SLC35F5: variants seen among roughly 807,000 people sequenced by gnomAD.
The protein encoded by SLC35F5 is solute carrier family 35 member F5, also known as HCV NS5A-transactivated protein 3.
SLC35F5 carries 54 observed loss-of-function variants against 68.6 expected under a neutral mutation model. The ratio of observed to expected loss-of-function variants is 0.79; its 90% CI spans 0.63 to 0.99. The LOEUF is 0.99. Among genes scored for constraint, SLC35F5 ranks in the 50% least tolerant of loss-of-function variants. SLC35F5 has a pLI of 0.00. For missense variants in SLC35F5, 567 were observed against 626.9 expected (o/e 0.90, Z 1.02); for synonymous variants, 211 against 205.2 (o/e 1.03, Z -0.24).
chr2:113,716,921 A>G lies in SLC35F5; in HGVS notation c.*22+832T>C, dbSNP rs138385165. On this transcript the variant is annotated intron_variant, in intron 15 of 15. Coordinates refer to ENST00000245680, the MANE Select transcript of SLC35F5 (RefSeq NM_025181.5). ...GGAGGATAATGAAACTTAACCTTCA[A>G]GCCTAATATAAGTGTTAACAACTGA... Among the ~76,000 whole-genome samples, 489 of 152,348 alleles carry G rather than the reference A, an allele frequency of 3.2e-3. 8 individuals carry two copies. The highest frequency in any genetic ancestry group is 0.011 in the African/African-American group (470 of 41,584).
intron 1 of SLC35F5, chr2:113,755,785 G>C (rs973942769): frequency 2.8e-6 from 4 of 1,428,996 alleles, no homozygotes; most frequent in Non-Finnish European, 3.9e-6. Flanking sequence ...ACAACATACG[G>C]CACATTTAAG....
At position 113,753,168 on chromosome 2, in the gene SLC35F5, C is replaced by CTTTTTTTTTTTTT. The variant is rs1173478465; in HGVS notation, c.273+1984_273+1996dup. Among the ~76,000 whole-genome samples, 186 of 49,070 alleles carry CTTTTTTTTTTTTT rather than the reference C, an allele frequency of 3.8e-3. 62 individuals are homozygous for CTTTTTTTTTTTTT. The highest frequency in any genetic ancestry group is 0.034 in the Middle Eastern group (2 of 58). 32.2% of individuals were successfully genotyped at this position (49,070 alleles called of 152,430 possible). A position where few individuals can be genotyped will look rare whatever the true frequency, so the allele number is the denominator to read the frequency against. ...CACTTTATCTCCAAAGTTTGTTTTT[C>CTTTTTTTTTTTTT]TTTTTTTTTTTTTTTTTTTTTTTTT... On this transcript the variant is annotated intron_variant, in intron 3 of 15. Coordinates refer to ENST00000245680, the MANE Select transcript of SLC35F5 (RefSeq NM_025181.5).
rs1676485366 is a variant in SLC35F5, at chr2:113,746,393, G to A, written c.418-54C>T. The A allele has an allele frequency of 5.0e-6, 7 of 1,394,572 alleles. No individual in the cohort carries two copies. The South Asian group carries it at 8.1e-5, about 16-fold the overall frequency. 86.4% of individuals were successfully genotyped at this position (1,394,572 alleles called of 1,614,324 possible). The stretch of plus-strand genomic sequence containing the variant: ...CAATGAAACTTACATTATACTGTAG[G>A]ACTAGTCAGACGTAACTCAGATAAA... On this transcript the variant is annotated intron_variant, in intron 4 of 15. Coordinates refer to ENST00000245680, the MANE Select transcript of SLC35F5 (RefSeq NM_025181.5).
At chr2:113,745,400 T>C (rs79881443) in intron 5 of SLC35F5, among the ~76,000 whole-genome samples, 271 of 152,344 alleles carry the variant, frequency 1.8e-3, no homozygotes, top group African/African-American at 5.8e-3. Context: ...TGCTATTAAA[T>C]TTTAGAGTAA....
chr2:113,709,044 G>A lies in SLC35F5; in HGVS notation c.*6174C>T, dbSNP rs937149989. 2.0e-5 allele frequency among the ~76,000 whole-genome samples: 3 copies of A among 152,178 alleles called. No individual in the cohort carries two copies. Among genetic ancestry groups the A allele is most frequent in the African/African-American group, 7.2e-5 (3 of 41,444 alleles). On this transcript the variant is annotated 3_prime_UTR_variant, in exon 16 of 16. Coordinates refer to ENST00000245680, the MANE Select transcript of SLC35F5 (RefSeq NM_025181.5). ...AATCTGACTGAAAACCTTATTTAAG[G>A]AGTCAAGATGCTGAACACCCTAACA... is the stretch of plus-strand genomic sequence containing the variant.
chr2:113,746,454 A>C, intron 4 of SLC35F5, 115 bp from the exon 5 acceptor site: 1 of 717,264 alleles, frequency 1.4e-6, no homozygotes, highest in South Asian at 1.5e-5. Flanking sequence ...TGTAAGACTA[A>C]AACTGTTACT....
At chr2:113,717,967 C>A (rs755775319) in intron 14 of SLC35F5, 117 bp from the exon 15 acceptor site, 2 of 595,750 alleles carry the variant, frequency 3.4e-6, no homozygotes, top group East Asian at 2.9e-5. Context: ...GTGGCAGAAC[C>A]AACACTAGGA....
At chr2:113,738,402 C>T (rs1474938217) in intron 7 of SLC35F5, among the ~76,000 whole-genome samples, 2 of 152,028 alleles carry the variant, frequency 1.3e-5, no homozygotes, top group African/African-American at 4.8e-5. Context: ...TCAGGTTTGT[C>T]CATGTTGTTG....
intron 7 of SLC35F5, among the ~76,000 whole-genome samples, chr2:113,736,987 G>A (rs921348089): frequency 2.0e-5 from 3 of 152,008 alleles, no homozygotes; most frequent in Non-Finnish European, 4.4e-5. Context: ...CTTAATTCTA[G>A]TACACACCTG....
At chr2:113,751,748 TA>T (rs968206668) in intron 3 of SLC35F5, among the ~76,000 whole-genome samples, 3 of 151,922 alleles carry the variant, frequency 2.0e-5, no homozygotes, top group African/African-American at 7.3e-5. Context: ...AGTCAGAGGT[TA>T]TAGTGAGCCA....
chr2:113,753,737 A>T (rs1338348666), intron 3 of SLC35F5, among the ~76,000 whole-genome samples: 2 of 152,082 alleles, frequency 1.3e-5, no homozygotes, highest in Non-Finnish European at 1.5e-5. Context: ...TTTCCTTTCT[A>T]CTTTGCTTAG....
At chr2:113,741,630 G>A (rs1472189822) in intron 7 of SLC35F5, among the ~76,000 whole-genome samples, 5 of 151,598 alleles carry the variant, frequency 3.3e-5, no homozygotes, top group Admixed American at 6.6e-5. Context: ...GAACCCAGGA[G>A]GCAGAGGTTG....
chr2:113,740,216 G>C (rs1676204032), intron 7 of SLC35F5, among the ~76,000 whole-genome samples: 1 of 152,184 alleles, frequency 6.6e-6, no homozygotes, highest in Non-Finnish European at 1.5e-5. Flanking sequence ...GTGGGAGCTG[G>C]CTGTGGAACG....
At chr2:113,720,968 T>C (rs1687407496) in intron 13 of SLC35F5, among the ~76,000 whole-genome samples, 1 of 152,042 alleles carries the variant, frequency 6.6e-6, no homozygotes, top group South Asian at 2.1e-4. Context: ...ACAAAGAAAA[T>C]TACCTATGTA....
chr2:113,755,905 C>T, intron 1 of SLC35F5: 1 of 1,550,612 alleles, frequency 6.4e-7, no homozygotes, highest in Non-Finnish European at 8.7e-7. Context: ...GACACTGTTT[C>T]TAAAAGTGTC....
chr2:113,752,792 G>T (rs1222315764), intron 3 of SLC35F5, among the ~76,000 whole-genome samples: 1 of 152,200 alleles, frequency 6.6e-6, no homozygotes, highest in East Asian at 1.9e-4. Context: ...GAGAAAACTG[G>T]ACTGGAGAAA....
chr2:113,720,981 C>CA (rs551487160), intron 13 of SLC35F5, among the ~76,000 whole-genome samples: 3 of 151,972 alleles, frequency 2.0e-5, no homozygotes, highest in South Asian at 4.2e-4. Flanking sequence ...CCTATGTAAA[C>CA]AAAATTTTTT....
chr2:113,731,660 A>T lies in SLC35F5; in HGVS notation c.921-12T>A. 1 of 1,607,034 alleles carries T rather than the reference A, an allele frequency of 6.2e-7. No homozygotes were observed. The highest frequency in any genetic ancestry group is 8.5e-7 in the Non-Finnish European group (1 of 1,173,874). ...CAACGCCTCCAATGCTATGAGAATA[A>T]CAGTCATTAATGATGAGCTAAAGAA... is the stretch of plus-strand genomic sequence containing the variant. On this transcript the variant is annotated splice_polypyrimidine_tract_variant and intron_variant, in intron 9 of 15. Transcript: ENST00000245680.
chr2:113,713,392 C>G lies in SLC35F5; in HGVS notation c.*1826G>C, dbSNP rs990719240. 4.6e-5 allele frequency: 7 copies of G among 151,814 alleles called. No homozygotes were observed. The highest frequency in any genetic ancestry group is 3.9e-4 in the Admixed American group (6 of 15,240). The allele number at this position is 151,814 out of a possible 1,614,324, so 9.4% of individuals were successfully genotyped here. The stretch of plus-strand genomic sequence containing the variant: ...AACAACCAAAAGATTCTAAGCTCAG[C>G]CTCTTTCCCTATAGTATTTACAGAA... On this transcript the variant is annotated 3_prime_UTR_variant, in exon 16 of 16. Transcript: ENST00000245680.
Sources: gnomAD v4.1 joint callset for allele counts (sites outside exome capture counted in the v4.1 genomes callset) on GRCh38, gnomAD v4.1.1 for gene constraint, MANE v1.5 for transcripts, NCBI Gene and HGNC (gene_info 2026-07-23, HGNC 2026-07-21) for gene names.